The following AFAP1L2 variants were observed in gnomAD, a reference collection of about 807,000 sequenced individuals.
The protein encoded by AFAP1L2 is actin filament associated protein 1 like 2.
In AFAP1L2, 46 loss-of-function variants were observed where a neutral mutation model predicts 99.3. The ratio of observed to expected loss-of-function variants is 0.46; its 90% CI spans 0.37 to 0.59. AFAP1L2 has a LOEUF of 0.59. Among genes scored for constraint, AFAP1L2 ranks in the 20% least tolerant of loss-of-function variants. The probability of loss-of-function intolerance (pLI) is 0.00; values close to 1 mark genes in which losing one functional copy is unlikely to be tolerated. For missense variants in AFAP1L2, 959 were observed against 1,034.9 expected, an observed-to-expected ratio of 0.93 and a Z score of 1.01; for synonymous variants, 397 against 419.1, an observed-to-expected ratio of 0.95 and a Z score of 0.64.
the AFAP1L2 span, chr10:114,286,382 G>A: frequency 1.9e-6 from 3 of 1,613,846 alleles, no homozygotes; most frequent in Admixed American, 1.7e-5. Context: ...TGTAGGCAGT[G>A]AGGCCGTGCG....
chr10:114,289,123 G>T, the AFAP1L2 span: 2 of 1,613,946 alleles, frequency 1.2e-6, no homozygotes, highest in Non-Finnish European at 1.7e-6. Context: ...CTTCGGGCTG[G>T]ACACCAAACC....
chr10:114,387,394 A>C (rs2056633808), intron 1 of AFAP1L2, among the ~76,000 whole-genome samples: 1 of 152,202 alleles, frequency 6.6e-6, no homozygotes, highest in Non-Finnish European at 1.5e-5. Flanking sequence ...GCTCTCCTTC[A>C]TGATTCAGCT....
intron 12 of AFAP1L2, chr10:114,301,988 G>A (rs573862575): frequency 3.6e-6 from 1 of 279,016 alleles, no homozygotes; most frequent in South Asian, 4.8e-5. Flanking sequence ...CCCCTGACCT[G>A]CTTTTCTCCA....
At chr10:114,327,231 C>T (rs1361934084) in intron 4 of AFAP1L2, among the ~76,000 whole-genome samples, 2 of 139,644 alleles carry the variant, frequency 1.4e-5, no homozygotes, top group Admixed American at 7.8e-5. Context: ...GTGGTGTGAT[C>T]TCAGTTCACT....
intron 3 of AFAP1L2, among the ~76,000 whole-genome samples, chr10:114,332,956 T>C (rs2047449233): frequency 6.6e-6 from 1 of 152,244 alleles, no homozygotes; most frequent in South Asian, 2.1e-4. Flanking sequence ...TATGACTTCC[T>C]GTTCCTGGGA....
chr10:114,348,838 A>T (rs1170442595), intron 1 of AFAP1L2, among the ~76,000 whole-genome samples: 2 of 152,208 alleles, frequency 1.3e-5, no homozygotes, highest in East Asian at 3.8e-4. Context: ...CAATCTTCCC[A>T]GGTGAGTCTA....
chr10:114,393,900 C>A (rs1460981455), intron 1 of AFAP1L2, among the ~76,000 whole-genome samples: 2 of 152,246 alleles, frequency 1.3e-5, no homozygotes, highest in African/African-American at 4.8e-5. Context: ...ATGCTTGGAA[C>A]TTTTATCCAA....
intron 1 of AFAP1L2, among the ~76,000 whole-genome samples, chr10:114,389,754 T>C (rs2056918242): frequency 1.3e-5 from 2 of 152,068 alleles, no homozygotes; most frequent in African/African-American, 4.8e-5. Context: ...AGCTTTAGAG[T>C]CAAACGTAGG....
chr10:114,318,600 G>A (rs1052107334), intron 5 of AFAP1L2, among the ~76,000 whole-genome samples: 3 of 151,698 alleles, frequency 2.0e-5, no homozygotes, highest in African/African-American at 4.8e-5. Flanking sequence ...AAAATTAGCC[G>A]GGCATGGTGA....
intron 1 of AFAP1L2, among the ~76,000 whole-genome samples, chr10:114,378,479 TC>T (rs1213580862): frequency 6.6e-6 from 1 of 152,206 alleles, no homozygotes; most frequent in Non-Finnish European, 1.5e-5. Context: ...CCTCATTATA[TC>T]CTCAGAGGCC....
chr10:114,392,959 C>T (rs2057312343), intron 1 of AFAP1L2, among the ~76,000 whole-genome samples: 1 of 152,120 alleles, frequency 6.6e-6, no homozygotes, highest in Non-Finnish European at 1.5e-5. Context: ...AGGTAAATAG[C>T]TTTAAGAAAT....
At chr10:114,337,407 G>A (rs1388194950) in intron 2 of AFAP1L2, among the ~76,000 whole-genome samples, 1 of 152,244 alleles carries the variant, frequency 6.6e-6, no homozygotes, top group Non-Finnish European at 1.5e-5. Flanking sequence ...TGCAGTCTAA[G>A]GGGTACAAAG....
At chr10:114,296,923 C>T (rs1474990464) in intron 18 of AFAP1L2, 55 bp downstream of exon 18, 5 of 1,613,176 alleles carry the variant, frequency 3.1e-6, no homozygotes, top group South Asian at 1.1e-5. Flanking sequence ...AAGATGGGCC[C>T]CTACCTTAGT....
chr10:114,340,319 C>T (rs957715886), intron 2 of AFAP1L2, among the ~76,000 whole-genome samples: 1 of 151,968 alleles, frequency 6.6e-6, no homozygotes, highest in African/African-American at 2.4e-5. Flanking sequence ...GCCCCTGCTT[C>T]AAAAAAGTTA....
chr10:114,300,087 CT>C (rs1437857198), intron 15 of AFAP1L2, 106 bp downstream of exon 15: 5 of 1,480,012 alleles, frequency 3.4e-6, no homozygotes, highest in Non-Finnish European at 4.6e-6. Flanking sequence ...GTCAATTCTC[CT>C]TAATAAACGC....
rs139720283 is a variant in AFAP1L2, at chr10:114,335,217, T to C, written c.146-1922A>G. Among the ~76,000 whole-genome samples the C allele has an allele frequency of 1.4e-3, 212 of 152,352 alleles. 2 individuals are homozygous for C. Among genetic ancestry groups the C allele is most frequent in the African/African-American group, 4.9e-3 (205 of 41,574 alleles). On this transcript the variant is annotated intron_variant, in intron 2 of 18. Coordinates refer to ENST00000304129, the MANE Select transcript of AFAP1L2 (RefSeq NM_001001936.3). ...TTCATATTCTTTGACCCAGCATTTC[T>C]ACTGCCAGAAACTTATCCTACAGAT...
At position 114,297,356 on chromosome 10, in the gene AFAP1L2, C is replaced by CG. The variant is rs763259205; in HGVS notation, c.2170dup (p.Arg724ProfsTer25). On this transcript the variant is annotated frameshift_variant, in exon 17 of 19. Transcript: ENST00000304129. LOFTEE classifies it high-confidence loss of function. ...GTCCACGCGCCTGCTCTCCTCGCCCCGGCACTCCTCGTCAATTTCCTTCAG... is the reference window on the plus strand; with the variant it reads ...GTCCACGCGCCTGCTCTCCTCGCCCCGGGCACTCCTCGTCAATTTCCTTCAG... 1.2e-6 allele frequency: 2 copies of CG among 1,613,704 alleles called. No individual in the cohort carries two copies. The highest frequency in any genetic ancestry group is 1.7e-6 in the Non-Finnish European group (2 of 1,180,016).
intron 8 of AFAP1L2, 59 bp downstream of exon 8, chr10:114,310,295 T>G: frequency 6.5e-7 from 1 of 1,537,202 alleles, no homozygotes; most frequent in Non-Finnish European, 8.8e-7. Context: ...TTTGCACTTT[T>G]AATTTTTACA....
Position 114,295,141 on chromosome 10 carries a change from G to A in AFAP1L2, c.*901C>T. Reference sequence around the variant, plus strand: ...ACCACTTTGTTCTTGGAAGGAGAATGAACATTAAACAGAACTTAAAATCAG... The same window carrying A: ...ACCACTTTGTTCTTGGAAGGAGAATAAACATTAAACAGAACTTAAAATCAG... On this transcript the variant is annotated 3_prime_UTR_variant, in exon 19 of 19. Coordinates refer to ENST00000304129, the MANE Select transcript of AFAP1L2 (RefSeq NM_001001936.3). 1 of 985,548 alleles carries A rather than the reference G, an allele frequency of 1.0e-6. No individual in the cohort carries two copies. Among genetic ancestry groups the A allele is most frequent in the Non-Finnish European group, 1.2e-6 (1 of 829,880 alleles). The allele number at this position is 985,548 out of a possible 1,614,324, so 61.1% of individuals were successfully genotyped here.
Sources: gnomAD v4.1 joint callset for allele counts (sites outside exome capture counted in the v4.1 genomes callset) on GRCh38, gnomAD v4.1.1 for gene constraint, MANE v1.5 for transcripts, NCBI Gene and HGNC (gene_info 2026-07-23, HGNC 2026-07-21) for gene names.